The following STIMATE variants were observed in gnomAD, a reference collection of about 807,000 sequenced individuals.
STIMATE encodes store-operated calcium entry regulator STIMATE.
STIMATE carries 15 observed loss-of-function variants against 36.7 expected under a neutral mutation model. The ratio of observed to expected loss-of-function variants is 0.41; its 90% CI spans 0.27 to 0.63. STIMATE has a LOEUF of 0.63. Among genes scored for constraint, STIMATE ranks in the 20% least tolerant of loss-of-function variants. The pLI is 0.32. For missense variants in STIMATE, 305 were observed against 397.3 expected, an observed-to-expected ratio of 0.77 and a Z score of 1.98; for synonymous variants, 163 against 162.3, an observed-to-expected ratio of 1.00 and a Z score of -0.03.
At chr3:52,853,174 A>G (rs546154292) in intron 2 of STIMATE, among the ~76,000 whole-genome samples, 128 of 152,300 alleles carry the variant, frequency 8.4e-4, no homozygotes, top group Non-Finnish European at 1.6e-3. Context: ...TAAAGGACCA[A>G]AGAATAAATA....
In STIMATE at chr3:52,838,360, A is replaced by G. The variant is rs1700739982; in HGVS notation, c.*2134T>C. On this transcript the variant is annotated 3_prime_UTR_variant, in exon 8 of 8. Coordinates refer to ENST00000355083, the MANE Select transcript of STIMATE (RefSeq NM_198563.5). ...GACTGAACATGAAGCTCCAATTGTG[A>G]GCTCCAGGAAGGTGGAAGAAACAGC... 1 of 152,240 alleles carries G rather than the reference A, an allele frequency of 6.6e-6. No individual in the cohort carries two copies. Among genetic ancestry groups the G allele is most frequent in the Non-Finnish European group, 1.5e-5 (1 of 68,052 alleles). 9.4% of individuals were successfully genotyped at this position (152,240 alleles called of 1,614,324 possible).
chr3:52,897,174 G>T, intron 1 of STIMATE, 117 bp downstream of exon 1: 1 of 1,345,436 alleles, frequency 7.4e-7, no homozygotes, highest in Admixed American at 2.6e-5. Context: ...TGGGTTTGCG[G>T]GGGAGGAGCA....
intron 1 of STIMATE, among the ~76,000 whole-genome samples, chr3:52,868,185 A>C (rs576757468): frequency 1.3e-5 from 2 of 152,338 alleles, no homozygotes; most frequent in Middle Eastern, 3.4e-3. Flanking sequence ...GCCCAGGGAA[A>C]AAGTCCCCAG....
At chr3:52,850,546 G>A (rs188893137) in intron 3 of STIMATE, among the ~76,000 whole-genome samples, 1 of 152,304 alleles carries the variant, frequency 6.6e-6, no homozygotes, top group East Asian at 1.9e-4. Flanking sequence ...CTTAACTGAT[G>A]ACAGAAACAC....
intron 4 of STIMATE, among the ~76,000 whole-genome samples, chr3:52,845,543 A>G (rs1340552324): frequency 6.6e-6 from 1 of 152,202 alleles, no homozygotes; most frequent in Admixed American, 6.5e-5. Context: ...CACCTTGGCC[A>G]GGGACAAGGA....
At chr3:52,887,994 G>GTTGTTTTTTT in intron 1 of STIMATE, among the ~76,000 whole-genome samples, 1 of 52,718 alleles carries the variant, frequency 1.9e-5, no homozygotes, top group South Asian at 1.2e-3. Context: ...AACAGAATCA[G>GTTGTTTTTTT]TTTTTTTTTT....
In STIMATE at chr3:52,844,889, C is replaced by A. The variant is rs566847136; in HGVS notation, c.480G>T (p.Val160=). The A allele has an allele frequency of 6.2e-7, 1 of 1,614,078 alleles. No individual in the cohort carries two copies. Among genetic ancestry groups the A allele is most frequent in the Admixed American group, 1.7e-5 (1 of 60,020 alleles). The part of the protein sequence containing the change: ...AWVGQCALYI[V]IMIFEKSVVF... ...CGACAGACTTTTCAAAAATCATGATCACGATGTAAAGAGCGCACTGCCCGA... is the reference window on the plus strand; with the variant it reads ...CGACAGACTTTTCAAAAATCATGATAACGATGTAAAGAGCGCACTGCCCGA... The change falls in exon 5 of 8, where the codon GTG becomes GTT. Residue 160 remains valine (V), a synonymous_variant. Transcript: ENST00000355083.
intron 1 of STIMATE, among the ~76,000 whole-genome samples, chr3:52,873,081 G>A (rs555161130): frequency 1.3e-5 from 2 of 152,320 alleles, no homozygotes; most frequent in East Asian, 3.9e-4. Flanking sequence ...GCCGAAGGCT[G>A]AGAAATAAAT....
intron 1 of STIMATE, among the ~76,000 whole-genome samples, chr3:52,881,172 C>G (rs1701595721): frequency 1.3e-5 from 2 of 150,464 alleles, no homozygotes; most frequent in Admixed American, 6.6e-5. Flanking sequence ...CCACCGTACT[C>G]CAGCCTGGGC....
Position 52,897,513 on chromosome 3 carries a change from C to A in STIMATE, c.-63G>T, listed in dbSNP as rs1701887131. ...CGCCCGGCCTCGCTGCCTGCCGGCG[C>A]AGCGCCGCCAAACCCGCAGCCGGGA... On this transcript the variant is annotated 5_prime_UTR_variant, in exon 1 of 8. Transcript: ENST00000355083. The A allele has an allele frequency of 8.4e-7, 1 of 1,190,192 alleles. No homozygotes were observed. The highest frequency in any genetic ancestry group is 1.0e-6 in the Non-Finnish European group (1 of 962,220). 73.7% of individuals were successfully genotyped at this position (1,190,192 alleles called of 1,614,324 possible). A position where few individuals can be genotyped will look rare whatever the true frequency, so the allele number is the denominator to read the frequency against.
At chr3:52,886,427 G>A (rs1186893620) in intron 1 of STIMATE, among the ~76,000 whole-genome samples, 2 of 152,198 alleles carry the variant, frequency 1.3e-5, no homozygotes, top group Non-Finnish European at 2.9e-5. Context: ...CTCAGTGCCT[G>A]TTTTCCCAGG....
Position 52,840,302 on chromosome 3 carries a change from C to G in STIMATE, c.*192G>C, listed in dbSNP as rs1316738238. On this transcript the variant is annotated 3_prime_UTR_variant, in exon 8 of 8. Coordinates refer to ENST00000355083, the MANE Select transcript of STIMATE (RefSeq NM_198563.5). ...GGGGACCTCCAGCCGCCAGTGGCCC[C>G]CTCGGGCGCTGGCTCCTCTTCCCTC... The G allele has an allele frequency of 3.4e-6, 2 of 590,506 alleles. No homozygotes were observed. The highest frequency in any genetic ancestry group is 3.7e-5 in the African/African-American group (2 of 53,454). The allele number at this position is 590,506 out of a possible 1,614,324, so 36.6% of individuals were successfully genotyped here.
At chr3:52,856,531 A>T (rs1342521454) in intron 1 of STIMATE, among the ~76,000 whole-genome samples, 1 of 152,064 alleles carries the variant, frequency 6.6e-6, no homozygotes, top group Admixed American at 6.5e-5. Context: ...ATATTTTTTA[A>T]AAAGTAGCTG....
chr3:52,858,917 G>T (rs558608290), intron 1 of STIMATE, among the ~76,000 whole-genome samples: 2 of 152,134 alleles, frequency 1.3e-5, no homozygotes, highest in African/African-American at 4.8e-5. Context: ...CCAGCACTTA[G>T]GGAGGCCGAG....
chr3:52,872,917 C>T (rs1360829503), intron 1 of STIMATE, among the ~76,000 whole-genome samples: 2 of 152,208 alleles, frequency 1.3e-5, no homozygotes, highest in Non-Finnish European at 2.9e-5. Context: ...TGAGCCACCA[C>T]GCCCGGCAAC....
At position 52,897,397 on chromosome 3, in the gene STIMATE, G is replaced by T; in HGVS notation, c.54C>A (p.Ser18=). 1 of 1,494,302 alleles carries T rather than the reference G, an allele frequency of 6.7e-7. No homozygotes were observed. The highest frequency in any genetic ancestry group is 8.9e-7 in the Non-Finnish European group (1 of 1,128,724). 92.6% of individuals were successfully genotyped at this position (1,494,302 alleles called of 1,614,324 possible). ...AGCGGCCCGCCCCGGACGCGACTGT[G>T]GAGGGCGGCCCGCCTGGCAGTCCCC... ...ASRGLPGGPP[S]TVASGAGRCE... is the part of the protein sequence containing the mutation. The change falls in exon 1 of 8, where the codon TCC becomes TCA. Residue 18 remains serine (S), a synonymous_variant. Coordinates refer to ENST00000355083, the MANE Select transcript of STIMATE (RefSeq NM_198563.5).
At chr3:52,847,310 G>T in intron 4 of STIMATE, 7 of 1,189,686 alleles carry the variant, frequency 5.9e-6, no homozygotes, top group Non-Finnish European at 7.4e-6. Context: ...AGCAATAGGG[G>T]CCAAAAGGAG....
At chr3:52,886,668 T>C (rs1269285409) in intron 1 of STIMATE, among the ~76,000 whole-genome samples, 5 of 152,210 alleles carry the variant, frequency 3.3e-5, no homozygotes, top group African/African-American at 1.2e-4. Context: ...TGAAAACAGA[T>C]CTTATATTTA....
chr3:52,865,244 T>A (rs1007806989), intron 1 of STIMATE, among the ~76,000 whole-genome samples: 1 of 152,168 alleles, frequency 6.6e-6, no homozygotes, highest in African/African-American at 2.4e-5. Flanking sequence ...GGTGCCCGAC[T>A]GCCATTCAAC....
Sources: allele counts gnomAD v4.1 joint callset (sites outside exome capture counted in the v4.1 genomes callset), GRCh38; gene constraint gnomAD v4.1.1; transcripts MANE v1.5; gene names NCBI Gene and HGNC (gene_info 2026-07-23, HGNC 2026-07-21).